The following SLC22A25 variants were observed in gnomAD, a reference collection of about 807,000 sequenced individuals.
The protein encoded by SLC22A25 is solute carrier family 22 member 25.
Under a neutral mutation model 45.9 loss-of-function variants are expected in SLC22A25, and 44 were observed. The observed-to-expected ratio is 0.96, with a 90% CI of 0.75 to 1.23. The LOEUF (loss-of-function observed/expected upper bound fraction) is 1.23, where lower values mean the gene tolerates loss of function less well. Ranked by LOEUF, SLC22A25 falls within the 50% of genes most tolerant of loss-of-function variation. The pLI is 0.00. For synonymous variants in SLC22A25, 283 were observed against 238.6 expected, an observed-to-expected ratio of 1.19 and a Z score of -1.72; for missense variants, 800 against 666.4, an observed-to-expected ratio of 1.20 and a Z score of -2.21.
At chr11:63,212,205 T>G (rs1442126518) in intron 7 of SLC22A25, among the ~76,000 whole-genome samples, 1 of 131,418 alleles carries the variant, frequency 7.6e-6, no homozygotes, top group Non-Finnish European at 1.6e-5. Context: ...TAGGAACACT[T>G]TTACACTGTT....
Position 63,183,799 on chromosome 11 carries a change from A to G in SLC22A25, c.849T>C (p.Ala283=). 1 of 1,613,018 alleles carries G rather than the reference A, an allele frequency of 6.2e-7. No homozygotes were observed. The highest frequency in any genetic ancestry group is 8.5e-7 in the Non-Finnish European group (1 of 1,179,314). Residue 283 remains alanine, a synonymous_variant, in exon 8 of 12, where the codon GCT becomes GCC. Transcript: ENST00000306494. ...GTTTGTTGTTGATAATGAGCCACCG[A>G]GCAGACTCTGCCAGCCACCTGAGCA... ...FLFSRWLAES[A]RWLIINNKPE...
intron 7 of SLC22A25, among the ~76,000 whole-genome samples, chr11:63,205,318 G>C (rs1447055847): frequency 6.6e-6 from 1 of 151,998 alleles, no homozygotes; most frequent in African/African-American, 2.4e-5. Context: ...GATCAGAGCA[G>C]AAATGAGAGA....
Position 63,235,931 on chromosome 11 carries a change from A to G in SLC22A25, c.-445+1950T>C, listed in dbSNP as rs181575441. Among the ~76,000 whole-genome samples, 5 of 152,322 alleles carry G rather than the reference A, an allele frequency of 3.3e-5. No homozygotes were observed. In the East Asian group the frequency reaches 9.6e-4, roughly 29 times the overall value. ...TACCCCAGAGCCTGTTTGCCTGGGT[A>G]TCAGCAGCGGTGGCTGCAGAACAGC... On this transcript the variant is annotated intron_variant, in intron 3 of 11. Coordinates refer to ENST00000306494, the MANE Select transcript of SLC22A25 (RefSeq NM_199352.6).
At chr11:63,190,142 T>C (rs2088744623) in intron 7 of SLC22A25, among the ~76,000 whole-genome samples, 1 of 152,246 alleles carries the variant, frequency 6.6e-6, no homozygotes, top group African/African-American at 2.4e-5. Context: ...CAGAGTGTTT[T>C]CCAACTTCAT....
Position 63,231,567 on chromosome 11 carries a change from A to G in SLC22A25, c.-444-1471T>C, listed in dbSNP as rs900518741. ...TATTAGCCCTTTGTCAGATGAGTAGATTGCAAAATTTTGCTCCCATTCTGT... is the reference window on the plus strand; with the variant it reads ...TATTAGCCCTTTGTCAGATGAGTAGGTTGCAAAATTTTGCTCCCATTCTGT... On this transcript the variant is annotated intron_variant, in intron 3 of 11. Transcript: ENST00000306494. Among the ~76,000 whole-genome samples, 3 of 152,102 alleles carry G rather than the reference A, an allele frequency of 2.0e-5. No individual in the cohort carries two copies. The South Asian group carries it at 6.2e-4, about 32-fold the overall frequency.
chr11:63,228,417 G>T, intron 5 of SLC22A25, 44 bp downstream of exon 5: 1 of 1,386,322 alleles, frequency 7.2e-7, no homozygotes, highest in South Asian at 1.2e-5. Flanking sequence ...TTCATGAATT[G>T]ATGAAAATAC....
chr11:63,217,702 G>GT lies in SLC22A25; in HGVS notation c.539dup (p.Tyr180Ter), dbSNP rs1398463364. 6.2e-7 allele frequency: 1 copy of GT among 1,613,542 alleles called. No individual in the cohort carries two copies. The highest frequency in any genetic ancestry group is 8.5e-7 in the Non-Finnish European group (1 of 1,179,846). Residue 180 changes from tyrosine (Y) to a stop codon, truncating the protein, a stop_gained and frameshift_variant, in exon 6 of 12, where the codon TAC becomes TAAC. Coordinates refer to ENST00000306494, the MANE Select transcript of SLC22A25 (RefSeq NM_199352.6). LOFTEE classifies it high-confidence loss of function. Reference protein sequence around the residue: ...FGRKFVLRWSYLQLAIVGTCA... With the variant: ...FGRKFVLRWS ...AGGTGCCTACAATGGCGAGCTGGAGGTAAGACCATCTGAGCACGAACTTTC... is the reference window on the plus strand; with the variant it reads ...AGGTGCCTACAATGGCGAGCTGGAGGTTAAGACCATCTGAGCACGAACTTTC...
Position 63,163,549 on chromosome 11 carries a change from T to C in SLC22A25, c.*275A>G, listed in dbSNP as rs1162191280. 6.6e-6 allele frequency among the ~76,000 whole-genome samples: 1 copy of C among 152,072 alleles called. No homozygotes were observed. Among genetic ancestry groups the C allele is most frequent in the African/African-American group, 2.4e-5 (1 of 41,408 alleles). On this transcript the variant is annotated 3_prime_UTR_variant, in exon 12 of 12. Coordinates refer to ENST00000306494, the MANE Select transcript of SLC22A25 (RefSeq NM_199352.6). ...AAGATGGTGTTTGGATCCCTGCATG[T>C]TTGTAGAATACCTTCAAGAGTATGC...
chr11:63,243,372 T>G, intron 1 of SLC22A25, 62 bp downstream of exon 1: 1 of 635,052 alleles, frequency 1.6e-6, no homozygotes, highest in Non-Finnish European at 2.9e-6. Flanking sequence ...TGTTAACTAA[T>G]GCTGGAGGTC....
intron 3 of SLC22A25, among the ~76,000 whole-genome samples, chr11:63,234,329 G>A (rs1357221500): frequency 6.6e-6 from 1 of 152,126 alleles, no homozygotes; most frequent in Non-Finnish European, 1.5e-5. Context: ...TCCTGTATTG[G>A]GCACATATAT....
intron 3 of SLC22A25, among the ~76,000 whole-genome samples, chr11:63,237,638 A>G (rs2090186582): frequency 6.6e-6 from 1 of 152,190 alleles, no homozygotes; most frequent in Admixed American, 6.5e-5. Context: ...CTGTTCTCAT[A>G]TTTCTAAATC....
At chr11:63,194,592 A>T (rs2088935868) in intron 7 of SLC22A25, among the ~76,000 whole-genome samples, 1 of 152,202 alleles carries the variant, frequency 6.6e-6, no homozygotes, top group Non-Finnish European at 1.5e-5. Flanking sequence ...AACAACGGGT[A>T]TCAGCCACTG....
At chr11:63,190,836 T>A (rs200973076) in intron 7 of SLC22A25, among the ~76,000 whole-genome samples, 2 of 152,356 alleles carry the variant, frequency 1.3e-5, no homozygotes, top group East Asian at 3.9e-4. Context: ...TGTCTGGGTA[T>A]CAGCAGCAGA....
At chr11:63,227,891 T>C (rs2089993287) in intron 5 of SLC22A25, among the ~76,000 whole-genome samples, 2 of 152,232 alleles carry the variant, frequency 1.3e-5, no homozygotes, top group African/African-American at 2.4e-5. Flanking sequence ...GAGTGCTGGC[T>C]GAGTTCTGCC....
At chr11:63,182,474 CTATA>C (rs66520129) in intron 8 of SLC22A25, among the ~76,000 whole-genome samples, 21 of 148,596 alleles carry the variant, frequency 1.4e-4, no homozygotes, top group Non-Finnish European at 2.2e-4. Flanking sequence ...AAGAATTACA[CTATA>C]TATATATATA....
intron 7 of SLC22A25, among the ~76,000 whole-genome samples, chr11:63,201,891 C>T (rs1416843089): frequency 6.6e-6 from 1 of 152,128 alleles, no homozygotes; most frequent in Non-Finnish European, 1.5e-5. Flanking sequence ...TCTGCAGCCC[C>T]CAGCGAGATC....
intron 1 of SLC22A25, among the ~76,000 whole-genome samples, chr11:63,241,484 T>C (rs2090247593): frequency 6.6e-6 from 1 of 152,208 alleles, no homozygotes; most frequent in Non-Finnish European, 1.5e-5. Context: ...ACCTCTTTCC[T>C]TCCTATTATC....
intron 9 of SLC22A25, among the ~76,000 whole-genome samples, chr11:63,176,906 G>C (rs763399059): frequency 1.3e-5 from 2 of 151,828 alleles, no homozygotes; most frequent in Non-Finnish European, 2.9e-5. Flanking sequence ...AAACATGAAG[G>C]GTTCCCTTTA....
chr11:63,204,690 A>G (rs2089347278), intron 7 of SLC22A25, among the ~76,000 whole-genome samples: 1 of 152,232 alleles, frequency 6.6e-6, no homozygotes, highest in African/African-American at 2.4e-5. Context: ...AAAGAGACTT[A>G]GACTCCCACA....
Sources: gnomAD v4.1 joint callset for allele counts (sites outside exome capture counted in the v4.1 genomes callset) on GRCh38, gnomAD v4.1.1 for gene constraint, MANE v1.5 for transcripts, NCBI Gene and HGNC (gene_info 2026-07-23, HGNC 2026-07-21) for gene names.